The following MIX23 variants were observed in gnomAD, a reference collection of about 807,000 sequenced individuals.
MIX23 encodes the protein protein MIX23.
A neutral mutation model predicts 21.6 loss-of-function variants in MIX23; 13 were observed. That is an observed-to-expected ratio of 0.60 (90% confidence interval 0.39 to 0.96). MIX23 has a LOEUF of 0.96. Ranked by LOEUF, MIX23 falls within the 40% of genes least tolerant of loss-of-function variation. The pLI is 0.00. For missense variants in MIX23, 144 were observed against 171.2 expected (o/e 0.84, Z 0.89); for synonymous variants, 59 against 58.0 (o/e 1.02, Z -0.08).
chr3:122,383,021 A>C, intron 1 of MIX23, 153 bp downstream of exon 1: 1 of 990,434 alleles, frequency 1.0e-6, no homozygotes, highest in South Asian at 1.3e-5. Context: ...CCTAAGGCCA[A>C]ACCCGCGCCC....
At chr3:122,378,091 A>C (rs1271565320) in intron 1 of MIX23, among the ~76,000 whole-genome samples, 1 of 152,204 alleles carries the variant, frequency 6.6e-6, no homozygotes, top group Non-Finnish European at 1.5e-5. Flanking sequence ...TTCTGTTGTG[A>C]TTAAGGTTAC....
At chr3:122,370,803 A>G (rs905369782) in intron 2 of MIX23, among the ~76,000 whole-genome samples, 8 of 152,202 alleles carry the variant, frequency 5.3e-5, no homozygotes, top group African/African-American at 1.9e-4. Flanking sequence ...TCTACTCATT[A>G]AAGTCCACAA....
intron 2 of MIX23, among the ~76,000 whole-genome samples, chr3:122,370,666 G>C (rs1415648803): frequency 6.6e-6 from 1 of 152,038 alleles, no homozygotes; most frequent in African/African-American, 2.4e-5. Flanking sequence ...AGGTGAGAGA[G>C]GGAGTATCAC....
At chr3:122,372,737 C>T (rs2075451697) in intron 1 of MIX23, among the ~76,000 whole-genome samples, 1 of 151,902 alleles carries the variant, frequency 6.6e-6, no homozygotes, top group African/African-American at 2.4e-5. Context: ...GAGGCTGGGG[C>T]AGGAAGATCA....
chr3:122,361,345 C>G (rs764290848), intron 4 of MIX23, among the ~76,000 whole-genome samples: 48 of 151,688 alleles, frequency 3.2e-4, no homozygotes, highest in South Asian at 2.1e-4. Context: ...CCTGACATTT[C>G]CCTGAAATTC....
In MIX23 at chr3:122,368,293, T is replaced by G; in HGVS notation, c.207A>C (p.Arg69Ser). ...TCTGGGCTATACAGTTTTTTATGAC[T>G]CTGTCTCTACTGGCATGAGCTGCCA... ...SLMAAHASRD[R>S]VIKNCIAQTS... Residue 69 changes from arginine to serine, a missense_variant, in exon 3 of 5, where the codon AGA becomes AGC. Coordinates refer to ENST00000291458, the MANE Select transcript of MIX23 (RefSeq NM_001017928.4). The G allele has an allele frequency of 1.9e-6, 3 of 1,607,198 alleles. No homozygotes were observed. The highest frequency in any genetic ancestry group is 2.5e-6 in the Non-Finnish European group (3 of 1,179,088).
intron 2 of MIX23, among the ~76,000 whole-genome samples, chr3:122,369,329 T>A (rs2075420301): frequency 6.6e-6 from 1 of 152,232 alleles, no homozygotes; most frequent in African/African-American, 2.4e-5. Flanking sequence ...ATAACCTTAC[T>A]GATCAACTCC....
At chr3:122,370,531 G>A (rs1472998093) in intron 2 of MIX23, among the ~76,000 whole-genome samples, 1 of 151,048 alleles carries the variant, frequency 6.6e-6, no homozygotes, top group Non-Finnish European at 1.5e-5. Flanking sequence ...CTAGGAGGTA[G>A]CAGATGTGAG....
intron 1 of MIX23, among the ~76,000 whole-genome samples, chr3:122,380,153 T>TTA: frequency 6.6e-6 from 1 of 152,272 alleles, no homozygotes; most frequent in East Asian, 1.9e-4. Context: ...AAAGGGGCCA[T>TTA]TATATAACTA....
chr3:122,376,941 T>C (rs1008867007), intron 1 of MIX23, among the ~76,000 whole-genome samples: 17 of 152,066 alleles, frequency 1.1e-4, no homozygotes, highest in Admixed American at 7.2e-4. Flanking sequence ...TCCCAGCACT[T>C]TGGGAGGCTG....
rs111604414 is a variant in MIX23 at position 122,359,831 on chromosome 3, A to T, written c.*38T>A. 9.8e-4 allele frequency: 209 copies of T among 214,320 alleles called. 2 individuals are homozygous for T. The African/African-American group carries it at 0.022, about 23-fold the overall frequency. 13.3% of individuals were successfully genotyped at this position (214,320 alleles called of 1,614,324 possible). A position where few individuals can be genotyped will look rare whatever the true frequency, so the allele number is the denominator to read the frequency against. On this transcript the variant is annotated 3_prime_UTR_variant, in exon 5 of 5. Transcript: ENST00000291458. Reference sequence around the variant, plus strand: ...GCTCTTATGAGATGACCCAGTCCTTAAAAAAAAAAAAAAAAAAAAAAAAAA... The same window carrying T: ...GCTCTTATGAGATGACCCAGTCCTTTAAAAAAAAAAAAAAAAAAAAAAAAA...
chr3:122,368,414 A>G (rs2075413742), intron 2 of MIX23, 92 bp from the exon 3 acceptor site: 1 of 1,249,804 alleles, frequency 8.0e-7, no homozygotes, highest in Non-Finnish European at 1.1e-6. Context: ...GACTATAGAA[A>G]TTCAATACTT....
At chr3:122,382,431 C>T (rs2075540589) in intron 1 of MIX23, among the ~76,000 whole-genome samples, 1 of 152,178 alleles carries the variant, frequency 6.6e-6, no homozygotes, top group Non-Finnish European at 1.5e-5. Context: ...ACAGATAGGT[C>T]AATTTTTCAG....
intron 1 of MIX23, among the ~76,000 whole-genome samples, chr3:122,380,961 G>A (rs2075526631): frequency 6.6e-6 from 1 of 152,150 alleles, no homozygotes; most frequent in Non-Finnish European, 1.5e-5. Flanking sequence ...ACTCACACGT[G>A]ACACACAAGG....
In MIX23 at chr3:122,368,315, G is replaced by A. The variant is rs757678211; in HGVS notation, c.185C>T (p.Ala62Val). 2 of 1,578,178 alleles carry A rather than the reference G, an allele frequency of 1.3e-6. No homozygotes were observed. Among genetic ancestry groups the A allele is most frequent in the East Asian group, 4.5e-5 (2 of 44,228 alleles). Residue 62 changes from alanine to valine, a missense_variant, in exon 3 of 5, where the codon GCA (alanine) becomes GTA (valine). Transcript: ENST00000291458. ...TCKQLYESLM[A>V]AHASRDRVIK... Reference sequence around the variant, plus strand: ...GACTCTGTCTCTACTGGCATGAGCTGCCATCAACTAAAAGAACAAAGGAAT... The same window carrying A: ...GACTCTGTCTCTACTGGCATGAGCTACCATCAACTAAAAGAACAAAGGAAT...
chr3:122,364,156 AT>A (rs2075379604), intron 3 of MIX23, among the ~76,000 whole-genome samples: 1 of 152,250 alleles, frequency 6.6e-6, no homozygotes, highest in Admixed American at 6.5e-5. Flanking sequence ...GGCAACAACG[AT>A]AAGAATGGAA....
intron 1 of MIX23, among the ~76,000 whole-genome samples, chr3:122,377,619 C>A (rs932034599): frequency 6.6e-6 from 1 of 152,088 alleles, no homozygotes; most frequent in Non-Finnish European, 1.5e-5. Context: ...CAGATTCAGG[C>A]GGGAGGACTG....
At position 122,371,749 on chromosome 3, in the gene MIX23, T is replaced by C. The variant is rs1195272880; in HGVS notation, c.103A>G (p.Asn35Asp). The C allele has an allele frequency of 1.9e-6, 3 of 1,610,634 alleles. No homozygotes were observed. In the South Asian group the frequency reaches 3.3e-5, roughly 18 times the overall value. The change falls in exon 2 of 5, where the codon AAC (asparagine) becomes GAC (aspartate). Residue 35 changes from asparagine to aspartate, a missense_variant. Asn to Asp is a conservative substitution (Grantham distance 23). Transcript: ENST00000291458. ...TIDDRIVHEL[N>D]TTVPTASFAG... Reference sequence around the variant, plus strand: ...AAGGAAGCTGTTGGAACCGTAGTGTTTAATTCATGTACTATTCTGTCATCA... The same window carrying C: ...AAGGAAGCTGTTGGAACCGTAGTGTCTAATTCATGTACTATTCTGTCATCA...
chr3:122,382,830 G>A (rs1417755115), intron 1 of MIX23, among the ~76,000 whole-genome samples: 1 of 152,198 alleles, frequency 6.6e-6, no homozygotes, highest in Non-Finnish European at 1.5e-5. Context: ...ACAAAAGTAG[G>A]AGAGGAATGG....
Sources: gnomAD v4.1 joint callset for allele counts (sites outside exome capture counted in the v4.1 genomes callset) on GRCh38, gnomAD v4.1.1 for gene constraint, MANE v1.5 for transcripts, NCBI Gene and HGNC (gene_info 2026-07-23, HGNC 2026-07-21) for gene names.